Variants in AGMO observed in about 807,000 individuals in gnomAD.
The protein encoded by AGMO is alkylglycerol monooxygenase, also known as glyceryl-ether monooxygenase.
Under a neutral mutation model 60.2 loss-of-function variants are expected in AGMO, and 75 were observed. The observed-to-expected ratio is 1.25, with a 90% CI of 1.03 to 1.51. AGMO has a LOEUF of 1.51. Ranked by LOEUF, AGMO falls within the 40% of genes most tolerant of loss-of-function variation. The pLI, the probability that AGMO is intolerant of heterozygous loss-of-function variation, is 0.00. For synonymous variants in AGMO, 261 were observed against 177.1 expected (o/e 1.47, Z -3.76); for missense variants, 763 against 525.5 (o/e 1.45, Z -4.42).
At chr7:15,307,896 G>A (rs1283011434) in intron 12 of AGMO, among the ~76,000 whole-genome samples, 1 of 152,032 alleles carries the variant, frequency 6.6e-6, no homozygotes, top group Non-Finnish European at 1.5e-5. Flanking sequence ...TGAGCAATCA[G>A]TAAACAAGTG....
chr7:15,383,438 TCCCACCTAACACTC>T (rs1418888675), intron 10 of AGMO, among the ~76,000 whole-genome samples: 1 of 152,020 alleles, frequency 6.6e-6, no homozygotes, highest in Non-Finnish European at 1.5e-5. Context: ...TAAAAAAAAG[TCCCACCTAACACTC>T]CTGCCTAAAA....
rs1784339260 is a variant in AGMO at position 15,531,358 on chromosome 7, CTATATATATATT to C, written c.409+13402_409+13413del. On this transcript the variant is annotated intron_variant, in intron 3 of 12. Transcript: ENST00000342526. ...ATTCTATATATATTCTATATATATT[CTATATATATATT>C]CTATATATATTCTATATATATTCTA... Among the ~76,000 whole-genome samples the C allele has an allele frequency of 2.1e-4, 3 of 14,018 alleles. No individual in the cohort carries two copies. In the Admixed American group the frequency reaches 3.1e-3, roughly 15 times the overall value. 9.2% of individuals were successfully genotyped at this position (14,018 alleles called of 152,430 possible). A position where few individuals can be genotyped will look rare whatever the true frequency, so the allele number is the denominator to read the frequency against.
intron 3 of AGMO, among the ~76,000 whole-genome samples, chr7:15,485,155 A>AG (rs1027275824): frequency 1.3e-5 from 2 of 150,636 alleles, no homozygotes; most frequent in Non-Finnish European, 3.0e-5. Flanking sequence ...AAAAAAAAAA[A>AG]AAAAAGAAAA....
chr7:15,355,631 GGTT>G (rs1045221286), intron 12 of AGMO, among the ~76,000 whole-genome samples: 5 of 152,072 alleles, frequency 3.3e-5, no homozygotes, highest in Admixed American at 3.3e-4. Flanking sequence ...AATGGAAACT[GGTT>G]GTTAGAGGAG....
intron 12 of AGMO, among the ~76,000 whole-genome samples, chr7:15,292,828 G>T (rs1489454444): frequency 6.9e-6 from 1 of 144,332 alleles, no homozygotes; most frequent in South Asian, 2.2e-4. Flanking sequence ...CGTGATCTCG[G>T]CTCACTGCAA....
At chr7:15,169,717 G>A in the AGMO span, among the ~76,000 whole-genome samples, 6 of 152,232 alleles carry the variant, frequency 3.9e-5, no homozygotes, top group South Asian at 2.1e-4. Context: ...GGTTACAGGC[G>A]TGAGACACCA....
chr7:15,266,951 A>C (rs1258713137), intron 12 of AGMO, among the ~76,000 whole-genome samples: 2 of 152,032 alleles, frequency 1.3e-5, no homozygotes, highest in East Asian at 1.9e-4. Context: ...TCTACTCTCT[A>C]AAACAGTGAC....
At chr7:15,478,300 C>A (rs529593339) in intron 3 of AGMO, among the ~76,000 whole-genome samples, 1 of 152,118 alleles carries the variant, frequency 6.6e-6, no homozygotes, top group East Asian at 1.9e-4. Context: ...ACCTCATCAA[C>A]CTTTAACTTG....
At chr7:15,346,939 T>A (rs1040961310) in intron 12 of AGMO, among the ~76,000 whole-genome samples, 2 of 152,042 alleles carry the variant, frequency 1.3e-5, no homozygotes, top group Non-Finnish European at 2.9e-5. Context: ...CTTTGGAGTG[T>A]AAATATAGGC....
chr7:15,306,629 T>C, intron 12 of AGMO: 1 of 415,634 alleles, frequency 2.4e-6, no homozygotes, highest in Admixed American at 3.1e-5. Context: ...AAAAAGTTAA[T>C]ATGGTTTATG....
At chr7:15,382,394 T>C (rs1417122475) in intron 10 of AGMO, among the ~76,000 whole-genome samples, 15 of 152,150 alleles carry the variant, frequency 9.9e-5, no homozygotes. Flanking sequence ...AGGGCAAGAA[T>C]TATACTTGGT....
chr7:15,323,063 A>G (rs1160183319), intron 12 of AGMO, among the ~76,000 whole-genome samples: 1 of 151,366 alleles, frequency 6.6e-6, no homozygotes, highest in Non-Finnish European at 1.5e-5. Context: ...TTGAGTGACT[A>G]AGGGAAAGAA....
chr7:15,248,204 A>ATATATATATG (rs1782816403), intron 12 of AGMO, among the ~76,000 whole-genome samples: 1 of 95,264 alleles, frequency 1.0e-5, no homozygotes, highest in Non-Finnish European at 2.2e-5. Context: ...ATATATATAT[A>ATATATATATG]TATATATATA....
At chr7:15,127,992 A>C in the AGMO span, among the ~76,000 whole-genome samples, 1 of 152,090 alleles carries the variant, frequency 6.6e-6, no homozygotes, top group Non-Finnish European at 1.5e-5. Flanking sequence ...ATATTCATAT[A>C]ATTTCCCTAG....
rs368969293 is a variant in AGMO, at chr7:15,324,834, C to T, written c.1263+40680G>A. Reference sequence around the variant, plus strand: ...GAATCTAATGTCACCACTGATCTGACAGGAGGCAGAGCCCAGGCAGTAATG... The same window carrying T: ...GAATCTAATGTCACCACTGATCTGATAGGAGGCAGAGCCCAGGCAGTAATG... On this transcript the variant is annotated intron_variant, in intron 12 of 12. Transcript: ENST00000342526. 3.9e-5 allele frequency among the ~76,000 whole-genome samples: 6 copies of T among 152,172 alleles called. No homozygotes were observed. In the East Asian group the frequency reaches 7.8e-4, roughly 20 times the overall value.
chr7:15,330,056 TATTTTC>T (rs1781455164), intron 12 of AGMO, among the ~76,000 whole-genome samples: 1 of 122,776 alleles, frequency 8.1e-6, no homozygotes, highest in Non-Finnish European at 1.9e-5. Context: ...AATATAGAAT[TATTTTC>T]TTTTTTCTTT....
intron 12 of AGMO, among the ~76,000 whole-genome samples, chr7:15,202,324 G>A (rs1000210273): frequency 6.6e-6 from 1 of 151,720 alleles, no homozygotes; most frequent in Non-Finnish European, 1.5e-5. Flanking sequence ...TTCTGGTGTG[G>A]GGAACTCCGG....
chr7:15,483,123 A>C (rs1782805471), intron 3 of AGMO, among the ~76,000 whole-genome samples: 1 of 152,212 alleles, frequency 6.6e-6, no homozygotes, highest in Admixed American at 6.5e-5. Context: ...CAGACATTAG[A>C]ATTATGTATT....
At chr7:15,301,133 G>A (rs1413476496) in intron 12 of AGMO, among the ~76,000 whole-genome samples, 1 of 152,064 alleles carries the variant, frequency 6.6e-6, no homozygotes, top group Non-Finnish European at 1.5e-5. Flanking sequence ...AAGTGTTATT[G>A]ATACTAATTT....
Sources: gnomAD v4.1 joint callset for allele counts (sites outside exome capture counted in the v4.1 genomes callset) on GRCh38, gnomAD v4.1.1 for gene constraint, MANE v1.5 for transcripts, NCBI Gene and HGNC (gene_info 2026-07-23, HGNC 2026-07-21) for gene names.